SLC16A13: variants seen among roughly 807,000 people sequenced by gnomAD.
The protein encoded by SLC16A13 is monocarboxylate transporter 13.
Under a neutral mutation model 28.1 loss-of-function variants are expected in SLC16A13, and 28 were observed. The ratio of observed to expected loss-of-function variants is 1.00; its 90% CI spans 0.74 to 1.37. The LOEUF is 1.37. Among genes scored for constraint, SLC16A13 ranks in the 40% most tolerant of loss-of-function variants. The pLI is 0.00. For missense variants in SLC16A13, 482 were observed against 531.8 expected, an observed-to-expected ratio of 0.91 and a Z score of 0.92; for synonymous variants, 228 against 241.6, an observed-to-expected ratio of 0.94 and a Z score of 0.52.
At position 7,036,789 on chromosome 17, in the gene SLC16A13, AT is replaced by A. The variant is rs1910593694; in HGVS notation, c.263del (p.Ile88ThrfsTer16). On this transcript the variant is annotated frameshift_variant, in exon 2 of 4. Transcript: ENST00000308027. LOFTEE classifies it high-confidence loss of function. ...GPRPVVMTGGILAALGMLLAS... is the reference protein window; with the variant it reads ...GPRPVVMTGGXLAALGMLLAS... ...CAGGCCCGTGGTGATGACTGGAGGC[AT>A]CTTGGCTGCGCTGGGGATGCTGCTC... The A allele has an allele frequency of 6.2e-7, 1 of 1,613,844 alleles. No individual in the cohort carries two copies. The highest frequency in any genetic ancestry group is 1.1e-5 in the South Asian group (1 of 91,090).
chr17:7,036,622 A>C (rs1218983581), intron 1 of SLC16A13, 41 bp downstream of exon 1: 1 of 1,610,914 alleles, frequency 6.2e-7, no homozygotes, highest in African/African-American at 1.3e-5. Flanking sequence ...CGACCCTCGG[A>C]AGGGAGAGGG....
chr17:7,036,318 G>A lies in SLC16A13; in HGVS notation c.-65G>A, dbSNP rs1910577266. On this transcript the variant is annotated 5_prime_UTR_variant, in exon 1 of 4. Transcript: ENST00000308027. ...CCGGCAGCGGGGGTGGGTGTGCAGAGGTGCGGCGTCCAGAACCCGGCTCCT... is the reference window on the plus strand; with the variant it reads ...CCGGCAGCGGGGGTGGGTGTGCAGAAGTGCGGCGTCCAGAACCCGGCTCCT... 4 of 1,508,888 alleles carry A rather than the reference G, an allele frequency of 2.7e-6. No homozygotes were observed. Among genetic ancestry groups the A allele is most frequent in the East Asian group, 4.5e-5 (2 of 44,156 alleles). The allele number at this position is 1,508,888 out of a possible 1,614,324, so 93.5% of individuals were successfully genotyped here.
Position 7,038,171 on chromosome 17 carries a change from C to T in SLC16A13, c.363C>T (p.Thr121=), listed in dbSNP as rs367768046. The change falls in exon 3 of 4, where the codon ACC becomes ACT. Residue 121 remains threonine (T), a synonymous_variant. Transcript: ENST00000308027. This position sits in a 1 kb window ranked among gnomAD's most constrained non-coding sequence, Gnocchi z 5.7. ...TGACAGGCTCTGGCTGGGCTTTGAC[C>T]TTCGCTCCGACCCTGGCCTGCCTGT... The part of the protein sequence containing the change: ...GLLSGSGWAL[T]FAPTLACLSC... 1 of 1,613,190 alleles carries T rather than the reference C, an allele frequency of 6.2e-7. No individual in the cohort carries two copies. Among genetic ancestry groups the T allele is most frequent in the African/African-American group, 1.3e-5 (1 of 75,034 alleles).
rs1010859055 is a variant in SLC16A13 at position 7,036,286 on chromosome 17, G to T, written c.-97G>T. ...TGCCTCTCCAACCCCTCTCGGCCCCGAGCCACCCGGCAGCGGGGGTGGGTG... is the reference window on the plus strand; with the variant it reads ...TGCCTCTCCAACCCCTCTCGGCCCCTAGCCACCCGGCAGCGGGGGTGGGTG... On this transcript the variant is annotated 5_prime_UTR_variant, in exon 1 of 4. Transcript: ENST00000308027. 2.3e-6 allele frequency: 3 copies of T among 1,327,900 alleles called. No homozygotes were observed. Among genetic ancestry groups the T allele is most frequent in the African/African-American group, 2.9e-5 (2 of 67,966 alleles). 82.3% of individuals were successfully genotyped at this position (1,327,900 alleles called of 1,614,324 possible). A position where few individuals can be genotyped will look rare whatever the true frequency, so the allele number is the denominator to read the frequency against.
In SLC16A13 at chr17:7,036,727, G is replaced by A. The variant is rs1472154914; in HGVS notation, c.200G>A (p.Ser67Asn). The change falls in exon 2 of 4, where the codon AGC (serine) becomes AAC (asparagine). Residue 67 changes from serine to asparagine, a missense_variant and splice_region_variant. Coordinates refer to ENST00000308027, the MANE Select transcript of SLC16A13 (RefSeq NM_201566.3). Reference sequence around the variant, plus strand: ...CGCAGCGCCCCTTCCACTTCCTCAGGCCCGGTAGGCAGTGCCCTGAGCACG... The same window carrying A: ...CGCAGCGCCCCTTCCACTTCCTCAGACCCGGTAGGCAGTGCCCTGAGCACG... ...SIGIAVQQFG[S>N]PVGSALSTKF... 4 of 1,612,178 alleles carry A rather than the reference G, an allele frequency of 2.5e-6. No homozygotes were observed. The African/African-American group carries it at 5.3e-5, about 22-fold the overall frequency.
chr17:7,038,008 C>A lies in SLC16A13; in HGVS notation c.344-144C>A. The A allele has an allele frequency of 2.1e-6, 2 of 964,146 alleles. No individual in the cohort carries two copies. The highest frequency in any genetic ancestry group is 3.1e-6 in the Non-Finnish European group (2 of 644,868). 59.7% of individuals were successfully genotyped at this position (964,146 alleles called of 1,614,324 possible). On this transcript the variant is annotated intron_variant, in intron 2 of 3. Coordinates refer to ENST00000308027, the MANE Select transcript of SLC16A13 (RefSeq NM_201566.3). This position sits in a 1 kb window ranked among gnomAD's most constrained non-coding sequence, Gnocchi z 5.7. ...AAGTAAAACACACAAGGTTACACAG[C>A]TATGAAGTATCCAAGCCAAGATTGT...
At position 7,039,415 on chromosome 17, in the gene SLC16A13, G is replaced by A. The variant is rs567103386; in HGVS notation, c.1082-348G>A. On this transcript the variant is annotated intron_variant, in intron 3 of 3. Coordinates refer to ENST00000308027, the MANE Select transcript of SLC16A13 (RefSeq NM_201566.3). This position sits in a 1 kb window ranked among gnomAD's most constrained non-coding sequence, Gnocchi z 4.3. Reference sequence around the variant, plus strand: ...GCGGAGCTTGCAGTGAGCTGAGATCGCGCCACTGCACTTCAGCCTGGGCGA... The same window carrying A: ...GCGGAGCTTGCAGTGAGCTGAGATCACGCCACTGCACTTCAGCCTGGGCGA... Among the ~76,000 whole-genome samples, 14 of 151,118 alleles carry A rather than the reference G, an allele frequency of 9.3e-5. No individual in the cohort carries two copies. The East Asian group carries it at 1.6e-3, about 17-fold the overall frequency.
chr17:7,037,429 A>G (rs1327571336), intron 2 of SLC16A13, among the ~76,000 whole-genome samples: 1 of 147,942 alleles, frequency 6.8e-6, no homozygotes, highest in East Asian at 1.9e-4. Flanking sequence ...AAGAATTACT[A>G]TAAAATGGTG....
Position 7,038,716 on chromosome 17 carries a change from C to T in SLC16A13, c.908C>T (p.Ala303Val), listed in dbSNP as rs151102974. ...VSLALFPVAQAPTALVALAVA... is the reference protein window; with the variant it reads ...VSLALFPVAQVPTALVALAVA... ...CTAGCCCTGTTCCCTGTAGCTCAGG[C>T]TCCCACAGCCCTGGTGGCTCTGGCT... Residue 303 changes from alanine (A) to valine (V), a missense_variant, in exon 3 of 4, where the codon GCT becomes GTT. Coordinates refer to ENST00000308027, the MANE Select transcript of SLC16A13 (RefSeq NM_201566.3). The surrounding 1 kb of genome is among the most constrained non-coding windows in gnomAD (Gnocchi z 5.7). The T allele has an allele frequency of 7.4e-5, 119 of 1,614,184 alleles. No individual in the cohort carries two copies. The African/African-American group carries it at 1.4e-3, about 19-fold the overall frequency.
In SLC16A13 at chr17:7,040,070, T is replaced by TC; in HGVS notation, c.*113dup. The TC allele has an allele frequency of 9.9e-7, 1 of 1,012,548 alleles. No individual in the cohort carries two copies. The highest frequency in any genetic ancestry group is 1.5e-6 in the Non-Finnish European group (1 of 680,428). The allele number at this position is 1,012,548 out of a possible 1,614,324, so 62.7% of individuals were successfully genotyped here. On this transcript the variant is annotated 3_prime_UTR_variant, in exon 4 of 4. Transcript: ENST00000308027. ...AGTGCCTTAAGATTCTTGATCTGCC[T>TC]CCCCCTAGAGCAGGCCTGGGGCTCC...
Position 7,040,107 on chromosome 17 carries a change from T to C in SLC16A13, c.*145T>C, listed in dbSNP as rs913220225. On this transcript the variant is annotated 3_prime_UTR_variant, in exon 4 of 4. Coordinates refer to ENST00000308027, the MANE Select transcript of SLC16A13 (RefSeq NM_201566.3). ...AGGCCTGGGGCTCCTGCAATGTGTG[T>C]GCCAACCCTTTGTATTTTGTTGAGG... The C allele has an allele frequency of 1.4e-5, 9 of 661,962 alleles. No homozygotes were observed. In the East Asian group the frequency reaches 2.4e-4, roughly 18 times the overall value. 41.0% of individuals were successfully genotyped at this position (661,962 alleles called of 1,614,324 possible).
At position 7,038,645 on chromosome 17, in the gene SLC16A13, T is replaced by C; in HGVS notation, c.837T>C (p.Pro279=). 1 of 1,614,204 alleles carries C rather than the reference T, an allele frequency of 6.2e-7. No individual in the cohort carries two copies. The highest frequency in any genetic ancestry group is 8.5e-7 in the Non-Finnish European group (1 of 1,180,022). Residue 279 remains proline (P), a synonymous_variant, in exon 3 of 4, where the codon CCT becomes CCC. Transcript: ENST00000308027. This position sits in a 1 kb window ranked among gnomAD's most constrained non-coding sequence, Gnocchi z 5.7. ...SGWLGDAVPG[P]VTRLLMLWTT... ...GGCTGGGAGATGCAGTCCCAGGGCCTGTGACACGACTCCTGATGCTCTGGA... is the reference window on the plus strand; with the variant it reads ...GGCTGGGAGATGCAGTCCCAGGGCCCGTGACACGACTCCTGATGCTCTGGA...
Position 7,036,562 on chromosome 17 carries a change from C to A in SLC16A13, c.180C>A (p.Ile60=), listed in dbSNP as rs1910585402. 6.2e-7 allele frequency: 1 copy of A among 1,612,282 alleles called. No homozygotes were observed. The highest frequency in any genetic ancestry group is 8.5e-7 in the Non-Finnish European group (1 of 1,180,014). The change falls in exon 1 of 4, where the codon ATC becomes ATA. Residue 60 remains isoleucine, a synonymous_variant. Coordinates refer to ENST00000308027, the MANE Select transcript of SLC16A13 (RefSeq NM_201566.3). ...TCTCCTGGATCGCCTCCATAGGAAT[C>A]GCGGTGCAGCAGTTTGGGAGTGAGT... is the stretch of plus-strand genomic sequence containing the variant. ...ARVSWIASIG[I]AVQQFGSPVG...
Position 7,039,022 on chromosome 17 carries a change from T to G in SLC16A13, c.1081+133T>G. 8.2e-7 allele frequency: 1 copy of G among 1,215,908 alleles called. No homozygotes were observed. Among genetic ancestry groups the G allele is most frequent in the Non-Finnish European group, 1.1e-6 (1 of 896,546 alleles). 75.3% of individuals were successfully genotyped at this position (1,215,908 alleles called of 1,614,324 possible). A position where few individuals can be genotyped will look rare whatever the true frequency, so the allele number is the denominator to read the frequency against. ...AGTACACAGCCTGCGTGGCCAACCATAGCATCCCTGAAATGGGTCCATGGG... is the reference window on the plus strand; with the variant it reads ...AGTACACAGCCTGCGTGGCCAACCAGAGCATCCCTGAAATGGGTCCATGGG... On this transcript the variant is annotated intron_variant, in intron 3 of 3. Transcript: ENST00000308027. This position sits in a 1 kb window ranked among gnomAD's most constrained non-coding sequence, Gnocchi z 4.3.
In SLC16A13 at chr17:7,038,730, G is replaced by T; in HGVS notation, c.922G>T (p.Val308Leu). 1 of 1,614,160 alleles carries T rather than the reference G, an allele frequency of 6.2e-7. No homozygotes were observed. The highest frequency in any genetic ancestry group is 8.5e-7 in the Non-Finnish European group (1 of 1,180,028). Residue 308 changes from valine (V) to leucine (L), a missense_variant, in exon 3 of 4, where the codon GTG (valine) becomes TTG (leucine). Transcript: ENST00000308027. This position sits in a 1 kb window ranked among gnomAD's most constrained non-coding sequence, Gnocchi z 5.7. Reference sequence around the variant, plus strand: ...TGTAGCTCAGGCTCCCACAGCCCTGGTGGCTCTGGCTGTGGCCTACGGCTT... The same window carrying T: ...TGTAGCTCAGGCTCCCACAGCCCTGTTGGCTCTGGCTGTGGCCTACGGCTT... ...FPVAQAPTALVALAVAYGFTS... is the reference protein window; with the variant it reads ...FPVAQAPTALLALAVAYGFTS...
rs1340736355 is a variant in SLC16A13 at position 7,036,510 on chromosome 17, C to T, written c.128C>T (p.Ala43Val). The change falls in exon 1 of 4, where the codon GCG (alanine) becomes GTG (valine). Residue 43 changes from alanine (A) to valine (V), a missense_variant. Transcript: ENST00000308027. The part of the protein sequence containing the change: ...SFGVFFVEFV[A>V]AFEEQAARVS... ...GGGGTCTTCTTCGTGGAGTTTGTGGCGGCGTTTGAGGAGCAGGCAGCGCGC... is the reference window on the plus strand; with the variant it reads ...GGGGTCTTCTTCGTGGAGTTTGTGGTGGCGTTTGAGGAGCAGGCAGCGCGC... 4 of 1,612,492 alleles carry T rather than the reference C, an allele frequency of 2.5e-6. No homozygotes were observed. Among genetic ancestry groups the T allele is most frequent in the Admixed American group, 1.7e-5 (1 of 60,032 alleles).
intron 1 of SLC16A13, 48 bp from the exon 2 acceptor site, chr17:7,036,679 G>A (rs201911271): frequency 7.5e-6 from 12 of 1,607,490 alleles, no homozygotes; most frequent in Middle Eastern, 1.8e-4. Context: ...GAGATGCTGG[G>A]GGGGAGACCC....
In SLC16A13 at chr17:7,038,759, A is replaced by G; in HGVS notation, c.951A>G (p.Thr317=). 1 of 1,614,034 alleles carries G rather than the reference A, an allele frequency of 6.2e-7. No individual in the cohort carries two copies. The highest frequency in any genetic ancestry group is 8.5e-7 in the Non-Finnish European group (1 of 1,179,950). ...LVALAVAYGF[T]SGALAPLAFS... is the part of the protein sequence containing the mutation. ...CTCTGGCTGTGGCCTACGGCTTCAC[A>G]TCAGGGGCTCTGGCCCCACTGGCCT... is the stretch of plus-strand genomic sequence containing the variant. The change falls in exon 3 of 4, where the codon ACA becomes ACG. Residue 317 remains threonine (T), a synonymous_variant. Coordinates refer to ENST00000308027, the MANE Select transcript of SLC16A13 (RefSeq NM_201566.3). The surrounding 1 kb of genome is among the most constrained non-coding windows in gnomAD (Gnocchi z 5.7).
intron 2 of SLC16A13, among the ~76,000 whole-genome samples, chr17:7,037,457 T>C (rs1910613668): frequency 6.7e-6 from 1 of 149,196 alleles, no homozygotes; most frequent in African/African-American, 2.5e-5. Flanking sequence ...CCAGGCACGG[T>C]GGCTCACGCC....
Sources: gnomAD v4.1 joint callset for allele counts (sites outside exome capture counted in the v4.1 genomes callset) on GRCh38, gnomAD v4.1.1 for gene constraint, Gnocchi (gnomAD v3.1) non-coding constraint, MANE v1.5 for transcripts, NCBI Gene and HGNC (gene_info 2026-07-23, HGNC 2026-07-21) for gene names.